YJU2B: variants seen among roughly 807,000 people sequenced by gnomAD.
The protein encoded by YJU2B is YJU2 splicing factor homolog B.
In YJU2B, 18 loss-of-function variants were observed where a neutral mutation model predicts 38.0. The observed-to-expected ratio is 0.47, with a 90% CI of 0.33 to 0.70. YJU2B has a LOEUF of 0.70. Ranked by LOEUF, YJU2B falls within the 30% of genes least tolerant of loss-of-function variation. The pLI, the probability that YJU2B is intolerant of heterozygous loss-of-function variation, is 0.02. For synonymous variants in YJU2B, 246 were observed against 225.4 expected (o/e 1.09, Z -0.82); for missense variants, 538 against 556.3 (o/e 0.97, Z 0.33).
intron 2 of YJU2B, among the ~76,000 whole-genome samples, chr19:13,734,133 G>A (rs534303398): frequency 6.6e-6 from 1 of 152,144 alleles, no homozygotes; most frequent in Admixed American, 6.5e-5. Context: ...TCACTATGTT[G>A]CCCAGGCTAG....
intron 5 of YJU2B, 37 bp downstream of exon 5, chr19:13,757,510 C>T: frequency 6.8e-7 from 1 of 1,477,388 alleles, no homozygotes; most frequent in Non-Finnish European, 9.5e-7. Context: ...GTCCTGCAAA[C>T]ATCAGACCCC....
chr19:13,758,604 C>CA (rs1414407834), intron 6 of YJU2B, among the ~76,000 whole-genome samples: 1 of 151,962 alleles, frequency 6.6e-6, no homozygotes, highest in Non-Finnish European at 1.5e-5. Context: ...ATAAATGAAC[C>CA]AAAAAAATGG....
intron 7 of YJU2B, 21 bp from the exon 8 acceptor site, chr19:13,759,079 G>C (rs1398700737): frequency 4.3e-6 from 7 of 1,613,134 alleles, no homozygotes; most frequent in Non-Finnish European, 5.9e-6. Flanking sequence ...CCAAAGCCCA[G>C]CCGAGCTCTG....
chr19:13,759,200 C>T lies in YJU2B; in HGVS notation c.501C>T (p.Ser167=), dbSNP rs188100975. The T allele has an allele frequency of 4.6e-5, 74 of 1,613,512 alleles. No homozygotes were observed. In the East Asian group the frequency reaches 1.6e-3, roughly 35 times the overall value. ...TCAAGAAGGCGCTGCCCACACTGAG[C>T]CACATCCAGGAGGCCCAGAGCGCCT... ...STLKKALPTL[S]HIQEAQSAWK... The change falls in exon 8 of 10, where the codon AGC becomes AGT. Residue 167 remains serine, a synonymous_variant. Transcript: ENST00000221554.
rs568834694 is a variant in YJU2B, at chr19:13,735,618, A to G, written c.-202+3333A>G. Among the ~76,000 whole-genome samples the G allele has an allele frequency of 2.2e-4, 33 of 151,922 alleles. No individual in the cohort carries two copies. In the East Asian group the frequency reaches 5.8e-3, roughly 27 times the overall value. On this transcript the variant is annotated intron_variant, in intron 2 of 10. Coordinates refer to the YJU2B transcript ENST00000586600. Reference sequence around the variant, plus strand: ...TCCAAGCTGTTGTTACCACTCAGACAAACTCATTATTATTCCTGATGCTAA... The same window carrying G: ...TCCAAGCTGTTGTTACCACTCAGACGAACTCATTATTATTCCTGATGCTAA...
intron 3 of YJU2B, among the ~76,000 whole-genome samples, chr19:13,755,008 A>T (rs1001359309): frequency 6.6e-6 from 1 of 152,052 alleles, no homozygotes; most frequent in African/African-American, 2.4e-5. Flanking sequence ...AGGGGGAAAT[A>T]AAATGAGCTG....
chr19:13,754,103 C>T (rs930194872), intron 2 of YJU2B, among the ~76,000 whole-genome samples, 186 bp from the exon 3 acceptor site: 37 of 152,054 alleles, frequency 2.4e-4, no homozygotes, highest in African/African-American at 8.0e-4. Flanking sequence ...ACTCGGGAAA[C>T]GGAGGTTACA....
chr19:13,749,855 G>A (rs1326471760), intron 1 of YJU2B, among the ~76,000 whole-genome samples: 1 of 151,968 alleles, frequency 6.6e-6, no homozygotes, highest in East Asian at 1.9e-4. Context: ...GGATGGTCTC[G>A]ATCTCCTGAC....
At chr19:13,752,924 AG>A (rs2145137714) in intron 2 of YJU2B, among the ~76,000 whole-genome samples, 1 of 151,416 alleles carries the variant, frequency 6.6e-6, no homozygotes, top group East Asian at 1.9e-4. Context: ...AAAAAAAAAA[AG>A]AAGAAAACAA....
At chr19:13,744,186 C>CAA (rs561659940), upstream of YJU2B, among the ~76,000 whole-genome samples, 1 of 137,170 alleles carries the variant, frequency 7.3e-6, no homozygotes, top group African/African-American at 2.7e-5. Flanking sequence ...GACTTAGTCT[C>CAA]AAAAAAAAAA....
At chr19:13,761,017 C>T (rs1973866973) in intron 8 of YJU2B, among the ~76,000 whole-genome samples, 1 of 152,014 alleles carries the variant, frequency 6.6e-6, no homozygotes, top group Non-Finnish European at 1.5e-5. Context: ...GATCCACCCA[C>T]CTCAACCTCC....
At chr19:13,757,173 G>A (rs755686265) in intron 4 of YJU2B, among the ~76,000 whole-genome samples, 1 of 151,926 alleles carries the variant, frequency 6.6e-6, no homozygotes, top group Admixed American at 6.6e-5. Context: ...ACCCAAAGGC[G>A]GCTGTCCCTG....
intron 2 of YJU2B, among the ~76,000 whole-genome samples, chr19:13,737,016 G>A (rs1599488106): frequency 1.6e-5 from 2 of 121,668 alleles, no homozygotes; most frequent in East Asian, 2.4e-4. Context: ...AACACAGCAA[G>A]ACTCATTCTC....
At chr19:13,733,543 GA>G (rs1165757493) in intron 2 of YJU2B, among the ~76,000 whole-genome samples, 2 of 152,060 alleles carry the variant, frequency 1.3e-5, no homozygotes, top group Non-Finnish European at 2.9e-5. Context: ...CCAACATGGA[GA>G]AACCCTGTCT....
chr19:13,762,526 T>C (rs889285467), intron 9 of YJU2B, 64 bp from the exon 10 acceptor site: 28 of 1,557,916 alleles, frequency 1.8e-5, no homozygotes, highest in Non-Finnish European at 2.2e-5. Context: ...GACTCTGGTC[T>C]ACCAGAGGGC....
chr19:13,744,140 G>A (rs924690537), upstream of YJU2B, among the ~76,000 whole-genome samples: 3 of 152,080 alleles, frequency 2.0e-5, no homozygotes, highest in South Asian at 2.1e-4. Context: ...GCAGTGAGCC[G>A]AGATCACGCC....
chr19:13,741,594 A>T (rs1568278460), intron 2 of YJU2B, among the ~76,000 whole-genome samples: 1 of 139,860 alleles, frequency 7.2e-6, no homozygotes, highest in Non-Finnish European at 1.6e-5. Context: ...AAAAAAAAAA[A>T]TTAGCTAGGC....
intron 1 of YJU2B, 30 bp from the exon 2 acceptor site, chr19:13,751,578 G>A: frequency 5.2e-6 from 3 of 573,160 alleles, no homozygotes; most frequent in Non-Finnish European, 9.5e-6. Flanking sequence ...ATTGGCTGTA[G>A]AGTGGACGGG....
At position 13,747,899 on chromosome 19, in the gene YJU2B, C is replaced by G. The variant is rs1326453660; in HGVS notation, c.-257C>G. 1 of 152,250 alleles carries G rather than the reference C, an allele frequency of 6.6e-6. No individual in the cohort carries two copies. Among genetic ancestry groups the G allele is most frequent in the African/African-American group, 2.4e-5 (1 of 41,468 alleles). 9.4% of individuals were successfully genotyped at this position (152,250 alleles called of 1,614,324 possible). A position where few individuals can be genotyped will look rare whatever the true frequency, so the allele number is the denominator to read the frequency against. On this transcript the variant is annotated 5_prime_UTR_variant, in exon 1 of 10. Transcript: ENST00000221554. Reference sequence around the variant, plus strand: ...GCGGAGAGGGCGCCCAGGTTCACCGCGCTCTCAGCGCGCACTTCCGGGCAC... The same window carrying G: ...GCGGAGAGGGCGCCCAGGTTCACCGGGCTCTCAGCGCGCACTTCCGGGCAC...
Sources: allele counts gnomAD v4.1 joint callset (sites outside exome capture counted in the v4.1 genomes callset), GRCh38; gene constraint gnomAD v4.1.1; transcripts MANE v1.5; gene names NCBI Gene and HGNC (gene_info 2026-07-23, HGNC 2026-07-21).